The following SPNS3 variants were observed in gnomAD, a reference collection of about 807,000 sequenced individuals.
SPNS3 encodes protein spinster homolog 3.
Under a neutral mutation model 54.4 loss-of-function variants are expected in SPNS3, and 51 were observed. The observed-to-expected ratio is 0.94, with a 90% CI of 0.75 to 1.18. The LOEUF is 1.18. Among genes scored for constraint, SPNS3 ranks in the 50% most tolerant of loss-of-function variants. The pLI is 0.00. For missense variants in SPNS3, 669 were observed against 677.4 expected (o/e 0.99, Z 0.14); for synonymous variants, 309 against 294.7 (o/e 1.05, Z -0.50).
intron 8 of SPNS3, among the ~76,000 whole-genome samples, chr17:4,477,148 C>T (rs1972023890): frequency 6.6e-6 from 1 of 152,270 alleles, no homozygotes; most frequent in Admixed American, 6.5e-5. Context: ...CCTCACCATG[C>T]ACAGGCCATC....
intron 3 of SPNS3, among the ~76,000 whole-genome samples, 195 bp from the exon 4 acceptor site, chr17:4,445,853 G>C (rs1286615203): frequency 1.3e-5 from 2 of 152,080 alleles, no homozygotes; most frequent in Non-Finnish European, 2.9e-5. Flanking sequence ...GGGCAGGGGG[G>C]CAGGTGGTGG....
chr17:4,483,948 G>GC lies in SPNS3; in HGVS notation c.1180-2278dup, dbSNP rs1207667794. On this transcript the variant is annotated intron_variant, in intron 9 of 11. Transcript: ENST00000355530. The surrounding 1 kb of genome is among the most constrained non-coding windows in gnomAD (Gnocchi z 4.2). ...GCTTACACTGTCCCCTGCCTGGAAT[G>GC]CCTTTCCCCGTCTCTTTGCCAGTTA... is the stretch of plus-strand genomic sequence containing the variant. Among the ~76,000 whole-genome samples the GC allele has an allele frequency of 6.6e-6, 1 of 152,218 alleles. No homozygotes were observed. Among genetic ancestry groups the GC allele is most frequent in the Non-Finnish European group, 1.5e-5 (1 of 68,044 alleles).
intron 8 of SPNS3, among the ~76,000 whole-genome samples, chr17:4,467,227 A>C (rs982994804): frequency 1.5e-4 from 23 of 151,894 alleles, no homozygotes; most frequent in Non-Finnish European, 2.6e-4. Context: ...TTCCCATGTC[A>C]CTGACATTGG....
Position 4,486,435 on chromosome 17 carries a change from G to T in SPNS3, c.1302G>T (p.Arg434Ser). ...AGATCTCTAGTGTCCTGCGGGCCAGGCGCCCTGACTCCTATCTGCAGCGCT... is the reference window on the plus strand; with the variant it reads ...AGATCTCTAGTGTCCTGCGGGCCAGTCGCCCTGACTCCTATCTGCAGCGCT... ...TGLISSVLRA[R>S]RPDSYLQRFR... The change falls in exon 11 of 12, where the codon AGG becomes AGT. Residue 434 changes from arginine (R) to serine (S), a missense_variant. By Grantham distance (110) the Arg-to-Ser change is moderately radical. Transcript: ENST00000355530. The surrounding 1 kb of genome is among the most constrained non-coding windows in gnomAD (Gnocchi z 5.5). 6.2e-7 allele frequency: 1 copy of T among 1,608,900 alleles called. No homozygotes were observed. Among genetic ancestry groups the T allele is most frequent in the Non-Finnish European group, 8.5e-7 (1 of 1,176,880 alleles).
chr17:4,479,189 C>T (rs559347863), intron 9 of SPNS3, among the ~76,000 whole-genome samples: 2 of 152,346 alleles, frequency 1.3e-5, no homozygotes, highest in South Asian at 4.1e-4. Context: ...GATCTGCCCG[C>T]TTCGGCCTCC....
rs999982232 is a variant in SPNS3 at position 4,470,497 on chromosome 17, C to T, written c.1114-8075C>T. ...TAAAGTGTATAATTCACTGGTTTTT[C>T]GTACATTCACAGAGTTCTACAACCA... On this transcript the variant is annotated intron_variant, in intron 8 of 11. Coordinates refer to ENST00000355530, the MANE Select transcript of SPNS3 (RefSeq NM_182538.5). 3.3e-5 allele frequency among the ~76,000 whole-genome samples: 5 copies of T among 152,034 alleles called. No homozygotes were observed. In the East Asian group the frequency reaches 5.8e-4, roughly 18 times the overall value.
In SPNS3 at chr17:4,483,244, C is replaced by G. The variant is rs115523439; in HGVS notation, c.1180-2984C>G. Among the ~76,000 whole-genome samples the G allele has an allele frequency of 3.6e-3, 549 of 152,216 alleles. 4 individuals carry two copies. The highest frequency in any genetic ancestry group is 0.012 in the African/African-American group (503 of 41,518). ...CCTTGGGTGGCCCTGGTTTCGCCCT[C>G]GGCTATAAAGGGAACGGCCCTTCTA... On this transcript the variant is annotated intron_variant, in intron 9 of 11. Coordinates refer to ENST00000355530, the MANE Select transcript of SPNS3 (RefSeq NM_182538.5). This position sits in a 1 kb window ranked among gnomAD's most constrained non-coding sequence, Gnocchi z 4.2.
In SPNS3 at chr17:4,483,913, C is replaced by A. The variant is rs1388818263; in HGVS notation, c.1180-2315C>A. Among the ~76,000 whole-genome samples the A allele has an allele frequency of 6.6e-6, 1 of 152,220 alleles. No individual in the cohort carries two copies. The highest frequency in any genetic ancestry group is 1.5e-5 in the Non-Finnish European group (1 of 68,036). ...AGATCGTGTCCCTGGGATCCTCCCT[C>A]CACACCGTCGCTTACACTGTCCCCT... On this transcript the variant is annotated intron_variant, in intron 9 of 11. Coordinates refer to ENST00000355530, the MANE Select transcript of SPNS3 (RefSeq NM_182538.5). The surrounding 1 kb of genome is among the most constrained non-coding windows in gnomAD (Gnocchi z 4.2).
chr17:4,467,350 C>A (rs1156382527), intron 8 of SPNS3, among the ~76,000 whole-genome samples: 1 of 152,032 alleles, frequency 6.6e-6, no homozygotes, highest in Non-Finnish European at 1.5e-5. Context: ...TAAAACAATG[C>A]CCAATTATTT....
At position 4,453,562 on chromosome 17, in the gene SPNS3, G is replaced by A. The variant is rs555503870; in HGVS notation, c.1113+357G>A. On this transcript the variant is annotated intron_variant, in intron 8 of 11. Transcript: ENST00000355530. ...GAACGCGGGAGGTGGAGGTTGCAGT[G>A]AGCTGAGATTGCGCCACTGCACTCC... 9.9e-5 allele frequency among the ~76,000 whole-genome samples: 15 copies of A among 152,222 alleles called. No individual in the cohort carries two copies. In the South Asian group the frequency reaches 3.1e-3, roughly 32 times the overall value.
chr17:4,478,297 A>G (rs1244213762), intron 8 of SPNS3, among the ~76,000 whole-genome samples: 1 of 152,018 alleles, frequency 6.6e-6, no homozygotes, highest in Non-Finnish European at 1.5e-5. Flanking sequence ...TACCTTTAAA[A>G]GTGGCCTGGG....
rs901635690 is a variant in SPNS3 at position 4,446,098 on chromosome 17, C to A, written c.453C>A (p.Ala151=). The change falls in exon 4 of 12, where the codon GCC becomes GCA. Residue 151 remains alanine (A), a synonymous_variant. Transcript: ENST00000355530. The part of the protein sequence containing the change: ...LSRGIVGTGS[A]SYSTIAPTVL... Reference sequence around the variant, plus strand: ...GGGGCATCGTGGGCACTGGCTCGGCCAGCTACTCCACCATCGCGCCCACCG... The same window carrying A: ...GGGGCATCGTGGGCACTGGCTCGGCAAGCTACTCCACCATCGCGCCCACCG... 6.2e-7 allele frequency: 1 copy of A among 1,613,224 alleles called. No homozygotes were observed. Among genetic ancestry groups the A allele is most frequent in the Non-Finnish European group, 8.5e-7 (1 of 1,179,368 alleles).
In SPNS3 at chr17:4,486,477, G is replaced by A; in HGVS notation, c.1344G>A (p.Gln448=). The part of the protein sequence containing the change: ...SYLQRFRSLQ[Q]SFLCCAFVIA... ...TGCAGCGCTTCCGCAGCCTGCAGCA[G>A]AGCTTCCTGTGCTGCGCCTTTGTCA... Residue 448 remains glutamine, a synonymous_variant, in exon 11 of 12, where the codon CAG becomes CAA. Coordinates refer to ENST00000355530, the MANE Select transcript of SPNS3 (RefSeq NM_182538.5). This position sits in a 1 kb window ranked among gnomAD's most constrained non-coding sequence, Gnocchi z 5.5. 6.2e-7 allele frequency: 1 copy of A among 1,613,572 alleles called. No individual in the cohort carries two copies. Among genetic ancestry groups the A allele is most frequent in the Non-Finnish European group, 8.5e-7 (1 of 1,179,894 alleles).
chr17:4,468,721 T>TTTTCTTTCTTTCTCTCTTTCTTTC (rs1971755820), intron 8 of SPNS3, among the ~76,000 whole-genome samples: 1 of 121,372 alleles, frequency 8.2e-6, no homozygotes, highest in Admixed American at 9.1e-5. Flanking sequence ...TCTCTCTTTC[T>TTTTCTTTCTTTCTCTCTTTCTTTC]TTTCTTTCTT....
intron 8 of SPNS3, among the ~76,000 whole-genome samples, chr17:4,462,138 C>CACCA (rs1971524954): frequency 1.6e-3 from 6 of 3,856 alleles, no homozygotes; most frequent in Non-Finnish European, 8.4e-3. Context: ...TCCATCCATC[C>CACCA]ATCCATCCAT....
chr17:4,484,144 C>G (rs893747333), intron 9 of SPNS3, among the ~76,000 whole-genome samples: 4 of 152,178 alleles, frequency 2.6e-5, no homozygotes, highest in Admixed American at 2.0e-4. Context: ...GCCTGCAATC[C>G]TCTCTCAGCC....
At chr17:4,471,307 G>T (rs1006320476) in intron 8 of SPNS3, among the ~76,000 whole-genome samples, 2 of 152,142 alleles carry the variant, frequency 1.3e-5, no homozygotes, top group Non-Finnish European at 2.9e-5. Context: ...TTATCAGTCT[G>T]TTTACACAGA....
rs571741942 is a variant in SPNS3, at chr17:4,449,457, C to G, written c.923+70C>G. Reference sequence around the variant, plus strand: ...CTCTTGCTGAGGAAGTTCTGAGGTTCTGAGCTCCAAAATTCAGTTTCTTGG... The same window carrying G: ...CTCTTGCTGAGGAAGTTCTGAGGTTGTGAGCTCCAAAATTCAGTTTCTTGG... On this transcript the variant is annotated intron_variant, in intron 7 of 11. Transcript: ENST00000355530. The G allele has an allele frequency of 6.1e-6, 9 of 1,479,088 alleles. No homozygotes were observed. The African/African-American group carries it at 1.3e-4, about 21-fold the overall frequency. 91.6% of individuals were successfully genotyped at this position (1,479,088 alleles called of 1,614,324 possible).
intron 7 of SPNS3, among the ~76,000 whole-genome samples, chr17:4,450,841 C>T (rs1013184727): frequency 1.3e-5 from 2 of 149,766 alleles, no homozygotes; most frequent in African/African-American, 2.5e-5. Context: ...CTCCTGACCT[C>T]GAATGACTGG....
Sources: allele counts gnomAD v4.1 joint callset (sites outside exome capture counted in the v4.1 genomes callset), GRCh38; gene constraint gnomAD v4.1.1; non-coding constraint Gnocchi (gnomAD v3.1); transcripts MANE v1.5; gene names NCBI Gene and HGNC (gene_info 2026-07-23, HGNC 2026-07-21).